STK33: variants seen among roughly 807,000 people sequenced by gnomAD.
STK33 encodes serine/threonine-protein kinase 33.
Under a neutral mutation model 58.0 loss-of-function variants are expected in STK33, and 52 were observed. The ratio of observed to expected loss-of-function variants is 0.90; its 90% confidence interval spans 0.72 to 1.13. STK33 has a LOEUF of 1.13. Among genes scored for constraint, STK33 ranks in the 50% most tolerant of loss-of-function variants. STK33 has a pLI of 0.00. For synonymous variants in STK33, 215 were observed against 200.1 expected, an observed-to-expected ratio of 1.07 and a Z score of -0.63; for missense variants, 630 against 604.2, an observed-to-expected ratio of 1.04 and a Z score of -0.45.
chr11:8,340,272 A>G, the STK33 span, among the ~76,000 whole-genome samples: 1 of 152,158 alleles, frequency 6.6e-6, no homozygotes, highest in South Asian at 2.1e-4. Context: ...GTACAACTCA[A>G]TGCCCCCAAA....
At chr11:8,471,693 C>T (rs1248628970) in intron 6 of STK33, among the ~76,000 whole-genome samples, 1 of 151,964 alleles carries the variant, frequency 6.6e-6, no homozygotes, top group African/African-American at 2.4e-5. Context: ...GTTAAAGTTA[C>T]TTCTTTAAAA....
chr11:8,469,280 T>C (rs1171965664), intron 6 of STK33, among the ~76,000 whole-genome samples: 1 of 152,246 alleles, frequency 6.6e-6, no homozygotes, highest in Non-Finnish European at 1.5e-5. Flanking sequence ...ATTCTAAATT[T>C]TGTTGTCATT....
intron 11 of STK33, 95 bp downstream of exon 11, chr11:8,452,727 G>T (rs1946427198): frequency 9.2e-7 from 1 of 1,083,368 alleles, no homozygotes; most frequent in Admixed American, 1.8e-5. Flanking sequence ...GGTCAAGGCT[G>T]CAGTGAGCCA....
intron 1 of STK33, among the ~76,000 whole-genome samples, chr11:8,564,419 T>A (rs188074046): frequency 2.0e-5 from 3 of 152,322 alleles, no homozygotes; most frequent in African/African-American, 7.2e-5. Context: ...AGTTTGCCCC[T>A]TGTGAATCTG....
At position 8,395,783 on chromosome 11, in the gene STK33, G is replaced by A. The variant is rs368601230; in HGVS notation, c.1345-3073C>T. ...TTTGCACATGACATTTTGCACGTTC[G>A]TAAGTTTTTCTACAGGATATATATT... On this transcript the variant is annotated intron_variant, in intron 15 of 15. Transcript: ENST00000687296. Among the ~76,000 whole-genome samples, 33 of 152,232 alleles carry A rather than the reference G, an allele frequency of 2.2e-4. 1 individual carries two copies. The highest frequency in any genetic ancestry group is 4.8e-4 in the African/African-American group (20 of 41,530).
chr11:8,421,776 T>C (rs1044457376), intron 14 of STK33, among the ~76,000 whole-genome samples: 14 of 152,166 alleles, frequency 9.2e-5, no homozygotes, highest in African/African-American at 3.4e-4. Context: ...CCCAAGGAGG[T>C]CTTATAAATC....
chr11:8,501,758 T>A (rs1951530330), intron 1 of STK33, among the ~76,000 whole-genome samples: 1 of 152,186 alleles, frequency 6.6e-6, no homozygotes, highest in African/African-American at 2.4e-5. Flanking sequence ...TTATTCATAA[T>A]AGCCAAAAAG....
rs200896679 is a variant in STK33 at position 8,474,829 on chromosome 11, C to A, written c.77G>T (p.Cys26Phe). Residue 26 changes from cysteine (C) to phenylalanine (F), a missense_variant, in exon 5 of 16, where the codon TGT becomes TTT. Cys to Phe is a radical substitution (Grantham distance 205, BLOSUM62 -2). Transcript: ENST00000687296. The stretch of plus-strand genomic sequence containing the variant: ...AACCCTTGTTTTGCTGGAACATACA[C>A]AAAGTACATCTTTCTGAGAAGCAGA... ...CSSASQKDVL[C>F]VCSSKTRVPP... 4.3e-6 allele frequency: 7 copies of A among 1,611,982 alleles called. No individual in the cohort carries two copies. The African/African-American group carries it at 6.7e-5, about 15-fold the overall frequency.
chr11:8,553,199 G>GATATATATATA (rs1565347544), intron 1 of STK33, among the ~76,000 whole-genome samples: 9 of 60,972 alleles, frequency 1.5e-4, no homozygotes, highest in Non-Finnish European at 2.0e-4. Context: ...TATATATATG[G>GATATATATATA]TGTATATATA....
chr11:8,538,297 CT>C (rs1355440947), intron 1 of STK33, among the ~76,000 whole-genome samples: 1 of 152,126 alleles, frequency 6.6e-6, no homozygotes, highest in African/African-American at 2.4e-5. Context: ...TACAACAACT[CT>C]ATGAAGTAGG....
chr11:8,575,783 AG>A (rs1157962091), intron 1 of STK33, among the ~76,000 whole-genome samples: 1 of 152,192 alleles, frequency 6.6e-6, no homozygotes, highest in Non-Finnish European at 1.5e-5. Context: ...ACGACCAAGT[AG>A]GGTTCATCCT....
chr11:8,571,807 TG>T (rs1191817437), intron 1 of STK33, among the ~76,000 whole-genome samples: 1 of 148,616 alleles, frequency 6.7e-6, no homozygotes, highest in African/African-American at 2.5e-5. Context: ...CACTCCAGCC[TG>T]GGCGACAGAG....
chr11:8,576,267 T>C (rs1236316859), intron 1 of STK33, among the ~76,000 whole-genome samples: 2 of 152,168 alleles, frequency 1.3e-5, no homozygotes, highest in African/African-American at 2.4e-5. Context: ...ATACTTTGCA[T>C]GGACAAGAAA....
At chr11:8,344,198 AACACAC>A in the STK33 span, among the ~76,000 whole-genome samples, 4 of 137,228 alleles carry the variant, frequency 2.9e-5, no homozygotes, top group African/African-American at 5.5e-5. Flanking sequence ...AAACAAACAA[AACACAC>A]ACACACACAC....
At chr11:8,486,720 A>T (rs567911058) in intron 1 of STK33, among the ~76,000 whole-genome samples, 6 of 152,202 alleles carry the variant, frequency 3.9e-5, no homozygotes, top group African/African-American at 1.4e-4. Context: ...CAGTATAGAG[A>T]ATGTATAGAA....
the STK33 span, among the ~76,000 whole-genome samples, chr11:8,354,474 T>TCA: frequency 0.081 from 10,094 of 124,548 alleles, 437 homozygotes; most frequent in Admixed American, 0.11. Context: ...CTGCAAAACC[T>TCA]CACACACACA....
intron 1 of STK33, among the ~76,000 whole-genome samples, chr11:8,517,015 G>A (rs1565246121): frequency 6.6e-6 from 1 of 152,192 alleles, no homozygotes; most frequent in Admixed American, 6.5e-5. Context: ...TGAGATCTAA[G>A]AACGAACAGA....
chr11:8,397,663 G>A (rs1007887361), intron 15 of STK33, among the ~76,000 whole-genome samples: 5 of 152,046 alleles, frequency 3.3e-5, no homozygotes, highest in African/African-American at 1.2e-4. Context: ...AAACTACTCC[G>A]AGCTAAAGGA....
rs578117834 is a variant in STK33 at position 8,544,353 on chromosome 11, A to G, written c.-466+49730T>C. Among the ~76,000 whole-genome samples the G allele has an allele frequency of 3.9e-3, 583 of 147,918 alleles. 2 individuals carry two copies. Among genetic ancestry groups the G allele is most frequent in the African/African-American group, 0.013 (540 of 40,806 alleles). ...TATTTATAAAATTATATATATAATT[A>G]TATATATGTAATACATGTATATATA... is the stretch of plus-strand genomic sequence containing the variant. On this transcript the variant is annotated intron_variant, in intron 1 of 15. Coordinates refer to ENST00000687296, the MANE Select transcript of STK33 (RefSeq NM_001352389.2).
Sources: gnomAD v4.1 joint callset for allele counts (sites outside exome capture counted in the v4.1 genomes callset) on GRCh38, gnomAD v4.1.1 for gene constraint, MANE v1.5 for transcripts, NCBI Gene and HGNC (gene_info 2026-07-23, HGNC 2026-07-21) for gene names.